The following XXYLT1 variants were observed in gnomAD, a reference collection of about 807,000 sequenced individuals.
XXYLT1 encodes the protein UDP-xylose:alpha-xyloside alpha-1,3-xylosyltransferase.
XXYLT1 carries 20 observed loss-of-function variants against 28.9 expected under a neutral mutation model. That is an observed-to-expected ratio of 0.69 (90% CI 0.49 to 1.00). The LOEUF (loss-of-function observed/expected upper bound fraction) is 1.00. Ranked by LOEUF, XXYLT1 falls within the 50% of genes least tolerant of loss-of-function variation. The pLI is 0.00. For synonymous variants in XXYLT1, 257 were observed against 253.8 expected, an observed-to-expected ratio of 1.01 and a Z score of -0.12; for missense variants, 542 against 560.1, an observed-to-expected ratio of 0.97 and a Z score of 0.33.
intron 1 of XXYLT1, among the ~76,000 whole-genome samples, chr3:195,249,508 C>T (rs906125507): frequency 2.0e-5 from 3 of 152,218 alleles, no homozygotes; most frequent in African/African-American, 7.2e-5. Flanking sequence ...CGTAGATGGA[C>T]ATGAGCTCAT....
At chr3:195,116,276 G>A (rs770899712) in intron 3 of XXYLT1, among the ~76,000 whole-genome samples, 7 of 152,186 alleles carry the variant, frequency 4.6e-5, no homozygotes, top group Non-Finnish European at 8.8e-5. Context: ...AGTTCTAAGC[G>A]TGTCTGTTTC....
At chr3:195,207,441 G>T (rs191212362) in intron 2 of XXYLT1, 1 of 456,282 alleles carries the variant, frequency 2.2e-6, no homozygotes, top group Non-Finnish European at 4.4e-6. Context: ...AAGTGGGACC[G>T]ACAGACAGGC....
chr3:195,221,855 T>C (rs1723839186), intron 2 of XXYLT1, among the ~76,000 whole-genome samples: 1 of 152,022 alleles, frequency 6.6e-6, no homozygotes, highest in Non-Finnish European at 1.5e-5. Context: ...AGTGGCTGTG[T>C]CTGTGGAGGG....
At chr3:195,266,590 TG>T (rs1389694138) in intron 1 of XXYLT1, among the ~76,000 whole-genome samples, 4 of 152,164 alleles carry the variant, frequency 2.6e-5, no homozygotes, top group Admixed American at 2.0e-4. Flanking sequence ...ATAGCCTGGA[TG>T]GAAGAGTCAC....
chr3:195,164,426 C>T (rs534411352), intron 2 of XXYLT1, among the ~76,000 whole-genome samples: 1 of 152,364 alleles, frequency 6.6e-6, no homozygotes, highest in Non-Finnish European at 1.5e-5. Context: ...TGCCTGCCAG[C>T]CCCAGGCTGC....
intron 3 of XXYLT1, among the ~76,000 whole-genome samples, chr3:195,143,462 G>A (rs62290352): frequency 0.13 from 19,470 of 152,058 alleles, 1,787 homozygotes; most frequent in East Asian, 0.41. Context: ...GGCTTCTTTT[G>A]AAAAGAAAAC....
chr3:195,234,083 ATTTT>A (rs34281713), intron 1 of XXYLT1, among the ~76,000 whole-genome samples: 2 of 140,642 alleles, frequency 1.4e-5, no homozygotes, highest in African/African-American at 5.2e-5. Context: ...CGCCCAGCTA[ATTTT>A]TTTTTTTTTT....
At chr3:195,135,526 C>A (rs1028824278) in intron 3 of XXYLT1, among the ~76,000 whole-genome samples, 8 of 152,144 alleles carry the variant, frequency 5.3e-5, no homozygotes, top group Non-Finnish European at 1.2e-4. Flanking sequence ...AGATGACACA[C>A]TGGGCACCTC....
At chr3:195,211,750 C>A (rs1443228746) in intron 2 of XXYLT1, among the ~76,000 whole-genome samples, 1 of 152,274 alleles carries the variant, frequency 6.6e-6, no homozygotes, top group Non-Finnish European at 1.5e-5. Context: ...CACGATTTCA[C>A]ACAGGACGGC....
chr3:195,231,641 A>T (rs1724303573), intron 1 of XXYLT1, among the ~76,000 whole-genome samples: 1 of 152,176 alleles, frequency 6.6e-6, no homozygotes, highest in Non-Finnish European at 1.5e-5. Context: ...TGAAATGATC[A>T]TATGGTTTTT....
intron 1 of XXYLT1, among the ~76,000 whole-genome samples, chr3:195,237,511 C>G (rs547818866): frequency 6.6e-6 from 1 of 152,084 alleles, no homozygotes; most frequent in South Asian, 2.1e-4. Flanking sequence ...AAACCAGGTA[C>G]TGTGATCGCT....
At chr3:195,231,587 A>T (rs1209048825) in intron 1 of XXYLT1, among the ~76,000 whole-genome samples, 1 of 152,108 alleles carries the variant, frequency 6.6e-6, no homozygotes, top group East Asian at 1.9e-4. Flanking sequence ...GATTTTTATC[A>T]TGAAGTGATG....
intron 2 of XXYLT1, among the ~76,000 whole-genome samples, chr3:195,202,451 CA>C (rs1722900718): frequency 7.4e-6 from 1 of 134,974 alleles, no homozygotes; most frequent in Non-Finnish European, 1.6e-5. Flanking sequence ...GAATAATTAA[CA>C]AATCTAAAAA....
intron 2 of XXYLT1, among the ~76,000 whole-genome samples, chr3:195,190,599 A>T (rs1243054423): frequency 6.6e-6 from 1 of 152,004 alleles, no homozygotes; most frequent in Admixed American, 6.6e-5. Flanking sequence ...AGAGCACCAA[A>T]AATTTTAAAT....
intron 1 of XXYLT1, among the ~76,000 whole-genome samples, chr3:195,238,149 G>A (rs916248458): frequency 4.6e-4 from 70 of 152,086 alleles, no homozygotes; most frequent in African/African-American, 5.8e-4. Context: ...CCCGTCCCCC[G>A]ACCTCCCCGC....
At chr3:195,087,841 G>A (rs988139154) in intron 3 of XXYLT1, among the ~76,000 whole-genome samples, 12 of 152,046 alleles carry the variant, frequency 7.9e-5, no homozygotes, top group East Asian at 5.8e-4. Context: ...TGCGCGAGCC[G>A]AAGCAGGGCG....
intron 2 of XXYLT1, among the ~76,000 whole-genome samples, chr3:195,183,219 AC>A (rs1461898181): frequency 6.6e-6 from 1 of 151,980 alleles, no homozygotes; most frequent in Non-Finnish European, 1.5e-5. Flanking sequence ...AATCCTCATA[AC>A]CCCCACGCAT....
chr3:195,097,436 G>A (rs1410987515), intron 3 of XXYLT1, among the ~76,000 whole-genome samples: 3 of 152,218 alleles, frequency 2.0e-5, no homozygotes, highest in South Asian at 4.1e-4. Context: ...GTATCAACAC[G>A]TAGCTAGCAC....
At chr3:195,071,572 C>T (rs751204469) in intron 3 of XXYLT1, among the ~76,000 whole-genome samples, 3 of 152,146 alleles carry the variant, frequency 2.0e-5, no homozygotes, top group South Asian at 2.1e-4. Flanking sequence ...TGAGTGGAAC[C>T]GAGCTCTGGT....
Sources: gnomAD v4.1 joint callset for allele counts (sites outside exome capture counted in the v4.1 genomes callset) on GRCh38, gnomAD v4.1.1 for gene constraint, MANE v1.5 for transcripts, NCBI Gene and HGNC (gene_info 2026-07-23, HGNC 2026-07-21) for gene names.